Variants in CALN1 observed in about 807,000 individuals in gnomAD.
CALN1 encodes the protein calneuron 1.
In CALN1, 17 loss-of-function variants were observed where a neutral mutation model predicts 30.6. The observed-to-expected ratio is 0.56, with a 90% CI of 0.38 to 0.83. The LOEUF (loss-of-function observed/expected upper bound fraction) is 0.83. Among genes scored for constraint, CALN1 ranks in the 40% least tolerant of loss-of-function variants. CALN1 has a pLI of 0.00. For missense variants in CALN1, 291 were observed against 354.9 expected, an observed-to-expected ratio of 0.82 and a Z score of 1.45; for synonymous variants, 156 against 131.4, an observed-to-expected ratio of 1.19 and a Z score of -1.28.
chr7:71,824,232 G>A (rs1466287754), intron 5 of CALN1, among the ~76,000 whole-genome samples: 1 of 151,798 alleles, frequency 6.6e-6, no homozygotes, highest in African/African-American at 2.4e-5. Context: ...TTTTCTGAAT[G>A]ACTAAACCTG....
chr7:72,171,568 A>C (rs534135087), intron 3 of CALN1, among the ~76,000 whole-genome samples: 1 of 152,290 alleles, frequency 6.6e-6, no homozygotes, highest in South Asian at 2.1e-4. Flanking sequence ...ACATCTGAAA[A>C]CCTGTATTAT....
At chr7:71,860,902 T>C (rs1376648432) in intron 5 of CALN1, among the ~76,000 whole-genome samples, 1 of 152,076 alleles carries the variant, frequency 6.6e-6, no homozygotes, top group Non-Finnish European at 1.5e-5. Context: ...GGGACATTTA[T>C]AGGCAGAGGA....
chr7:71,819,051 T>C (rs996113882), intron 5 of CALN1, among the ~76,000 whole-genome samples: 1 of 151,410 alleles, frequency 6.6e-6, no homozygotes, highest in Non-Finnish European at 1.5e-5. Flanking sequence ...GACAGGGTCT[T>C]GCTATGTCGC....
At chr7:71,791,928 G>A (rs935070970) in intron 6 of CALN1, among the ~76,000 whole-genome samples, 18 of 152,002 alleles carry the variant, frequency 1.2e-4, no homozygotes, top group African/African-American at 4.3e-4. Context: ...GGAGAATGGT[G>A]TGAACCCGGG....
intron 3 of CALN1, among the ~76,000 whole-genome samples, chr7:72,269,256 GC>G (rs1183435997): frequency 5.9e-5 from 9 of 152,040 alleles, no homozygotes; most frequent in African/African-American, 1.9e-4. Context: ...TGTGCACAAT[GC>G]GCAGGTTTGT....
intron 5 of CALN1, among the ~76,000 whole-genome samples, chr7:71,941,147 A>T (rs1353846907): frequency 3.9e-5 from 6 of 151,978 alleles, no homozygotes; most frequent in Admixed American, 3.9e-4. Flanking sequence ...AAGAGCTCAA[A>T]ACCAGCCTGG....
intron 5 of CALN1, among the ~76,000 whole-genome samples, chr7:71,862,079 C>T (rs1791318971): frequency 6.7e-6 from 1 of 150,000 alleles, no homozygotes; most frequent in Non-Finnish European, 1.5e-5. Flanking sequence ...CTTTCCTTGA[C>T]CCTTTTGCGC....
chr7:72,050,845 G>C (rs1186909891), intron 4 of CALN1, among the ~76,000 whole-genome samples: 1 of 151,726 alleles, frequency 6.6e-6, no homozygotes, highest in Non-Finnish European at 1.5e-5. Context: ...TACTACAAAA[G>C]TACAAAAATT....
chr7:72,475,440 CAG>C, the CALN1 span, among the ~76,000 whole-genome samples: 1 of 152,064 alleles, frequency 6.6e-6, no homozygotes, highest in Non-Finnish European at 1.5e-5. Context: ...GCCTGGGCGA[CAG>C]AGTGAGACTC....
At chr7:71,972,589 T>C (rs1486700692) in intron 5 of CALN1, among the ~76,000 whole-genome samples, 1 of 152,174 alleles carries the variant, frequency 6.6e-6, no homozygotes, top group African/African-American at 2.4e-5. Context: ...TGATAAATGA[T>C]GTCAGACAAA....
At chr7:71,847,250 C>T (rs1239734073) in intron 5 of CALN1, among the ~76,000 whole-genome samples, 1 of 152,040 alleles carries the variant, frequency 6.6e-6, no homozygotes, top group East Asian at 1.9e-4. Context: ...CCCATAATTC[C>T]CATGTGTTGT....
intron 2 of CALN1, among the ~76,000 whole-genome samples, chr7:72,290,079 T>TA (rs60416266): frequency 3.1e-5 from 1 of 32,086 alleles, no homozygotes; most frequent in Non-Finnish European, 5.5e-5. Flanking sequence ...GACCCTGTCT[T>TA]AAAAAAAAAA....
intron 3 of CALN1, among the ~76,000 whole-genome samples, chr7:72,178,571 C>T (rs1477596859): frequency 6.6e-6 from 1 of 152,044 alleles, no homozygotes; most frequent in African/African-American, 2.4e-5. Context: ...CACCTGTAAT[C>T]CCAGCTACTC....
intron 3 of CALN1, among the ~76,000 whole-genome samples, chr7:72,166,280 C>T (rs1448352355): frequency 6.6e-6 from 1 of 152,182 alleles, no homozygotes; most frequent in African/African-American, 2.4e-5. Flanking sequence ...TAGCTCACTG[C>T]AGCCTCTAAC....
intron 4 of CALN1, among the ~76,000 whole-genome samples, chr7:72,031,734 ATT>A (rs544026184): frequency 0.17 from 19,241 of 114,534 alleles, 2,406 homozygotes; most frequent in African/African-American, 0.38. Flanking sequence ...CGCCTGGCTA[ATT>A]TTTTTTTTTT....
chr7:72,159,594 T>C (rs1354365473), intron 3 of CALN1, among the ~76,000 whole-genome samples: 2 of 151,930 alleles, frequency 1.3e-5, no homozygotes, highest in African/African-American at 4.8e-5. Context: ...GGTCAGGAGT[T>C]TGAGACCCGC....
Position 71,787,718 on chromosome 7 carries a change from C to T in CALN1, c.*57G>A. On this transcript the variant is annotated 3_prime_UTR_variant, in exon 7 of 7. Transcript: ENST00000395275. ...TCTGCTGTGTGGAGGAAGAGTCTGC[C>T]CGCACGGCATGCACATGCGCGGTGA... The T allele has an allele frequency of 3.1e-6, 5 of 1,600,448 alleles. No individual in the cohort carries two copies. The highest frequency in any genetic ancestry group is 3.4e-5 in the Admixed American group (2 of 59,674).
At chr7:72,316,514 G>C (rs1353686824) in intron 2 of CALN1, among the ~76,000 whole-genome samples, 5 of 152,012 alleles carry the variant, frequency 3.3e-5, no homozygotes, top group African/African-American at 1.2e-4. Flanking sequence ...GCAGACTCTG[G>C]GACATTTTAG....
chr7:72,200,824 T>C (rs1361095078), intron 3 of CALN1, among the ~76,000 whole-genome samples: 1 of 152,204 alleles, frequency 6.6e-6, no homozygotes, highest in Non-Finnish European at 1.5e-5. Flanking sequence ...GTAGCTATAT[T>C]ATACACTGGG....
Sources: gnomAD v4.1 joint callset for allele counts (sites outside exome capture counted in the v4.1 genomes callset) on GRCh38, gnomAD v4.1.1 for gene constraint, MANE v1.5 for transcripts, NCBI Gene and HGNC (gene_info 2026-07-23, HGNC 2026-07-21) for gene names.